The following IDE variants were observed in gnomAD, a reference collection of about 807,000 sequenced individuals.
The protein encoded by IDE is insulin-degrading enzyme.
In IDE, 58 loss-of-function variants were observed where a neutral mutation model predicts 133.2. The ratio of observed to expected loss-of-function variants is 0.44; its 90% CI spans 0.35 to 0.54. IDE has a LOEUF of 0.54. Among genes scored for constraint, IDE ranks in the 20% least tolerant of loss-of-function variants. The pLI is 0.00. For missense variants in IDE, 981 were observed against 1,234.0 expected, an observed-to-expected ratio of 0.79 and a Z score of 3.07; for synonymous variants, 396 against 421.3, an observed-to-expected ratio of 0.94 and a Z score of 0.73.
At chr10:92,506,563 A>T (rs767866547) in intron 9 of IDE, 41 bp from the exon 10 acceptor site, 5 of 913,408 alleles carry the variant, frequency 5.5e-6, no homozygotes, top group South Asian at 1.5e-5. Context: ...GGCCACCCTT[A>T]TTTAGAAACC....
chr10:92,531,791 T>G lies in IDE; in HGVS notation c.618A>C (p.Lys206Asn), dbSNP rs1226125426. 5.6e-6 allele frequency: 9 copies of G among 1,604,384 alleles called. No homozygotes were observed. ...AGGGGTGTTTAGGATTCCCTGTAGC[T>G]TTTTCCAATTGAAAGAGTCTCCAGG... ...NDAWRLFQLE[K>N]ATGNPKHPFS... Residue 206 changes from lysine to asparagine, a missense_variant, in exon 4 of 25, where the codon AAA (lysine) becomes AAC (asparagine). Lys to Asn is a moderately conservative substitution (Grantham distance 94). Around this residue, in one of 2 missense-constraint regions of IDE, gnomAD observed 321 missense variants for 339.3 expected, o/e 0.95. Coordinates refer to ENST00000265986, the MANE Select transcript of IDE (RefSeq NM_004969.4).
intron 17 of IDE, among the ~76,000 whole-genome samples, chr10:92,474,249 G>A (rs1185377329): frequency 6.6e-6 from 1 of 151,940 alleles, no homozygotes; most frequent in Non-Finnish European, 1.5e-5. Flanking sequence ...ATTATTTTTT[G>A]TAGAGACAGA....
At chr10:92,569,710 A>C (rs1843701650) in intron 1 of IDE, among the ~76,000 whole-genome samples, 1 of 152,222 alleles carries the variant, frequency 6.6e-6, no homozygotes, top group South Asian at 2.1e-4. Context: ...GTTTTGAAAA[A>C]AGACCATTAA....
At chr10:92,479,637 G>C in intron 14 of IDE, 1 of 455,382 alleles carries the variant, frequency 2.2e-6, no homozygotes, top group Non-Finnish European at 4.0e-6. Context: ...GTGCATGCGT[G>C]CGTGTGTGCG....
chr10:92,478,246 C>G (rs1846388042), intron 15 of IDE, among the ~76,000 whole-genome samples: 2 of 152,120 alleles, frequency 1.3e-5, no homozygotes, highest in South Asian at 4.1e-4. Flanking sequence ...TGTATCTGAA[C>G]ATAGAAACTT....
chr10:92,568,047 C>T (rs751475318), intron 1 of IDE, among the ~76,000 whole-genome samples: 11 of 152,200 alleles, frequency 7.2e-5, no homozygotes, highest in Non-Finnish European at 1.5e-4. Context: ...TTGTTCAAAT[C>T]CTATGTTCTC....
At chr10:92,472,428 C>T (rs1365408861) in intron 17 of IDE, among the ~76,000 whole-genome samples, 2 of 152,014 alleles carry the variant, frequency 1.3e-5, no homozygotes, top group Admixed American at 1.3e-4. Flanking sequence ...AATCATTTTG[C>T]AAAGAAAAGC....
intron 1 of IDE, among the ~76,000 whole-genome samples, chr10:92,565,834 C>T (rs185937441): frequency 6.6e-6 from 1 of 152,076 alleles, no homozygotes; most frequent in African/African-American, 2.4e-5. Context: ...TTTAACGTCC[C>T]CATCTCTACT....
chr10:92,491,730 C>G (rs1435350277), intron 11 of IDE, among the ~76,000 whole-genome samples: 3 of 152,062 alleles, frequency 2.0e-5, no homozygotes, highest in African/African-American at 7.2e-5. Flanking sequence ...CCGGCCTCAG[C>G]CTCCCAAGTA....
intron 4 of IDE, among the ~76,000 whole-genome samples, chr10:92,515,395 G>A (rs569452782): frequency 6.8e-6 from 1 of 146,536 alleles, no homozygotes; most frequent in East Asian, 2.0e-4. Context: ...AAGTAGCTGG[G>A]ACTACAGGCG....
intron 4 of IDE, among the ~76,000 whole-genome samples, chr10:92,529,561 C>T (rs1279262312): frequency 6.6e-6 from 1 of 152,116 alleles, no homozygotes; most frequent in African/African-American, 2.4e-5. Context: ...ATTCCTGAAA[C>T]CCTTCTATAG....
At chr10:92,518,316 T>TA (rs969780305) in intron 4 of IDE, among the ~76,000 whole-genome samples, 6 of 152,190 alleles carry the variant, frequency 3.9e-5, no homozygotes, top group Non-Finnish European at 8.8e-5. Flanking sequence ...TTGAACAAGT[T>TA]ACTTTACTTC....
At chr10:92,456,273 G>T in intron 23 of IDE, 86 bp downstream of exon 23, 2 of 886,864 alleles carry the variant, frequency 2.3e-6, no homozygotes, top group African/African-American at 1.6e-5. Context: ...TTTACTTTCT[G>T]GTGTTCTATA....
At chr10:92,455,433 A>T in intron 24 of IDE, 143 bp downstream of exon 24, 1 of 610,148 alleles carries the variant, frequency 1.6e-6, no homozygotes, top group Non-Finnish European at 3.0e-6. Context: ...CTGAGCTGAG[A>T]TCGCACCACT....
At chr10:92,546,621 T>C (rs1361039153) in intron 1 of IDE, among the ~76,000 whole-genome samples, 1 of 152,216 alleles carries the variant, frequency 6.6e-6, no homozygotes, top group East Asian at 1.9e-4. Flanking sequence ...ATTTCAATTA[T>C]TTCTGTTGAT....
intron 1 of IDE, among the ~76,000 whole-genome samples, chr10:92,541,898 T>A (rs921748743): frequency 1.3e-5 from 2 of 152,100 alleles, no homozygotes; most frequent in Non-Finnish European, 1.5e-5. Flanking sequence ...GTGGGCTAGA[T>A]CCCCTCATCT....
At chr10:92,520,222 G>A (rs1412797788) in intron 4 of IDE, among the ~76,000 whole-genome samples, 1 of 152,012 alleles carries the variant, frequency 6.6e-6, no homozygotes, top group African/African-American at 2.4e-5. Flanking sequence ...TGCGAAGAGG[G>A]GTTGGTAAAT....
At chr10:92,556,345 G>A (rs948461311) in intron 1 of IDE, among the ~76,000 whole-genome samples, 1 of 152,070 alleles carries the variant, frequency 6.6e-6, no homozygotes, top group African/African-American at 2.4e-5. Context: ...AATACTGGGT[G>A]GGCACAGTGG....
chr10:92,522,932 A>G (rs759064001), intron 4 of IDE, among the ~76,000 whole-genome samples: 4 of 152,066 alleles, frequency 2.6e-5, no homozygotes, highest in Non-Finnish European at 5.9e-5. Context: ...CTAAAATTAC[A>G]CTCAGTGAAA....
Sources: allele counts gnomAD v4.1 joint callset (sites outside exome capture counted in the v4.1 genomes callset), GRCh38; gene constraint gnomAD v4.1.1; regional missense constraint gnomAD v4.1.1; transcripts MANE v1.5; gene names NCBI Gene and HGNC (gene_info 2026-07-23, HGNC 2026-07-21).